Variants in EHMT1 observed in about 807,000 individuals in gnomAD.
EHMT1 encodes the protein histone-lysine N-methyltransferase EHMT1.
EHMT1 carries 15 observed loss-of-function variants against 147.2 expected under a neutral mutation model. That is an observed-to-expected ratio of 0.10 (90% CI 0.07 to 0.16). The LOEUF is 0.16. Ranked by LOEUF, EHMT1 falls within the 10% of genes least tolerant of loss-of-function variation. The probability of loss-of-function intolerance (pLI) is 1.00; values close to 1 mark genes in which losing one functional copy is unlikely to be tolerated. For missense variants in EHMT1, 1,587 were observed against 1,772.4 expected, an observed-to-expected ratio of 0.90 and a Z score of 1.88; for synonymous variants, 795 against 709.6, an observed-to-expected ratio of 1.12 and a Z score of -1.91.
At chr9:137,739,060 T>A (rs927661965) in intron 4 of EHMT1, among the ~76,000 whole-genome samples, 1 of 149,128 alleles carries the variant, frequency 6.7e-6, no homozygotes, top group Non-Finnish European at 1.5e-5. Context: ...TTGTGGTGTG[T>A]GTATTTTACT....
intron 15 of EHMT1, chr9:137,785,501 GCTT>G (rs1365686442): frequency 3.9e-5 from 6 of 152,648 alleles, no homozygotes; most frequent in Non-Finnish European, 8.8e-5. Flanking sequence ...GGCTGTGGAG[GCTT>G]CTTGAAGACA....
intron 1 of EHMT1, among the ~76,000 whole-genome samples, chr9:137,685,622 A>G (rs1942360196): frequency 6.6e-6 from 1 of 152,142 alleles, no homozygotes; most frequent in Non-Finnish European, 1.5e-5. Flanking sequence ...TCTGTGTTTA[A>G]CTTCCCGAGG....
intron 25 of EHMT1, among the ~76,000 whole-genome samples, chr9:137,829,069 C>T (rs1230647883): frequency 6.6e-6 from 1 of 152,186 alleles, no homozygotes. Flanking sequence ...CGGGGAGGCC[C>T]CCGCCCTGGT....
chr9:137,809,039 TGGA>T lies in EHMT1; in HGVS notation c.2713-2416_2713-2414del, dbSNP rs1461674066. Among the ~76,000 whole-genome samples, 4 of 152,188 alleles carry T rather than the reference TGGA, an allele frequency of 2.6e-5. No individual in the cohort carries two copies. The East Asian group carries it at 5.8e-4, about 22-fold the overall frequency. ...TTTGTTCAAGGAGCTCTGAAATGTA[TGGA>T]GGAGGGAAGCCAGAAACAAAGAGCA... On this transcript the variant is annotated intron_variant, in intron 18 of 26. Transcript: ENST00000460843.
intron 3 of EHMT1, among the ~76,000 whole-genome samples, chr9:137,721,779 G>GTATA (rs1373404916): frequency 6.6e-6 from 1 of 152,142 alleles, no homozygotes; most frequent in African/African-American, 2.4e-5. Flanking sequence ...TGAGAGTTCT[G>GTATA]TATATGAGTG....
At chr9:137,719,232 C>T (rs1321364360) in intron 3 of EHMT1, among the ~76,000 whole-genome samples, 1 of 152,118 alleles carries the variant, frequency 6.6e-6, no homozygotes, top group South Asian at 2.1e-4. Context: ...GCTTTTTCCC[C>T]CACCAGGGTG....
intron 1 of EHMT1, among the ~76,000 whole-genome samples, chr9:137,698,030 C>T (rs1348635833): frequency 6.7e-6 from 1 of 148,848 alleles, no homozygotes; most frequent in Non-Finnish European, 1.5e-5. Flanking sequence ...AGGCCTCAAT[C>T]CCCACTGTCG....
At position 137,731,623 on chromosome 9, in the gene EHMT1, C is replaced by T. The variant is rs1188167975; in HGVS notation, c.823+3094C>T. 1.3e-5 allele frequency among the ~76,000 whole-genome samples: 2 copies of T among 152,104 alleles called. No homozygotes were observed. Among genetic ancestry groups the T allele is most frequent in the Non-Finnish European group, 2.9e-5 (2 of 68,018 alleles). ...GTTGTCACAGGATCCCTTGAGTGTC[C>T]CTTTGCTGGTCATAAACCTCTGCAG... On this transcript the variant is annotated intron_variant, in intron 4 of 26. Transcript: ENST00000460843. The surrounding 1 kb of genome is among the most constrained non-coding windows in gnomAD (Gnocchi z 4.3).
At chr9:137,659,316 C>A (rs954012293) in intron 1 of EHMT1, among the ~76,000 whole-genome samples, 1 of 151,552 alleles carries the variant, frequency 6.6e-6, no homozygotes, top group Admixed American at 6.6e-5. Flanking sequence ...TTTTGCAGTT[C>A]TTTGTATATT....
intron 3 of EHMT1, among the ~76,000 whole-genome samples, chr9:137,724,281 C>G (rs183378877): frequency 2.0e-5 from 3 of 152,188 alleles, no homozygotes; most frequent in Non-Finnish European, 4.4e-5. Flanking sequence ...GCCCCACCCC[C>G]GCCCTGCCAG....
rs777106945 is a variant in EHMT1 at position 137,813,431 on chromosome 9, C to T, written c.3081C>T (p.Asn1027=). The change falls in exon 21 of 27, where the codon AAC becomes AAT. Residue 1027 remains asparagine, a synonymous_variant. Transcript: ENST00000460843. The surrounding 1 kb of genome is among the most constrained non-coding windows in gnomAD (Gnocchi z 4.9). ...GYERIPIPCV[N]AVDSEPCPSN... ...AGCGCATCCCCATCCCCTGTGTCAACGCCGTGGACAGCGAGCCATGCCCCA... is the reference window on the plus strand; with the variant it reads ...AGCGCATCCCCATCCCCTGTGTCAATGCCGTGGACAGCGAGCCATGCCCCA... 6.6e-5 allele frequency: 106 copies of T among 1,613,516 alleles called. No individual in the cohort carries two copies. Among genetic ancestry groups the T allele is most frequent in the Non-Finnish European group, 8.2e-5 (97 of 1,179,896 alleles).
chr9:137,729,599 A>AT (rs1276797839), intron 4 of EHMT1, among the ~76,000 whole-genome samples: 19 of 151,166 alleles, frequency 1.3e-4, no homozygotes, highest in African/African-American at 3.4e-4. Flanking sequence ...AAAAAAAAAA[A>AT]TTTTTTTTAA....
intron 4 of EHMT1, among the ~76,000 whole-genome samples, chr9:137,739,164 G>C (rs1008759461): frequency 6.6e-6 from 1 of 151,410 alleles, no homozygotes; most frequent in African/African-American, 2.4e-5. Flanking sequence ...AAGGTCAGGA[G>C]ATCGAGACCA....
intron 9 of EHMT1, among the ~76,000 whole-genome samples, chr9:137,760,964 A>G (rs868508709): frequency 2.6e-5 from 4 of 152,188 alleles, no homozygotes; most frequent in Admixed American, 6.5e-5. Context: ...CTGAGATCGC[A>G]CCACTGCACT....
chr9:137,709,471 T>G (rs557324584), intron 1 of EHMT1, among the ~76,000 whole-genome samples: 51 of 152,184 alleles, frequency 3.4e-4, no homozygotes, highest in Admixed American at 2.7e-3. Flanking sequence ...GTGATGCAGT[T>G]AGGTCCGGTG....
chr9:137,752,108 A>G (rs1949015446), intron 6 of EHMT1, among the ~76,000 whole-genome samples: 1 of 152,182 alleles, frequency 6.6e-6, no homozygotes, highest in Non-Finnish European at 1.5e-5. Flanking sequence ...GCAGAGTGGA[A>G]GCTCAGAGTG....
chr9:137,777,830 C>T, intron 12 of EHMT1, 52 bp from the exon 13 acceptor site: 1 of 1,607,096 alleles, frequency 6.2e-7, no homozygotes, highest in African/African-American at 1.3e-5. Flanking sequence ...AGAGTCGGAA[C>T]AGGCCATGTT....
chr9:137,670,939 C>T (rs1321628801), intron 1 of EHMT1, among the ~76,000 whole-genome samples: 1 of 152,158 alleles, frequency 6.6e-6, no homozygotes, highest in African/African-American at 2.4e-5. Flanking sequence ...GTGGCCACAC[C>T]CTCTGGCCTG....
chr9:137,627,793 T>C lies in EHMT1; in HGVS notation c.21+8744T>C, dbSNP rs553137271. Among the ~76,000 whole-genome samples, 21 of 149,744 alleles carry C rather than the reference T, an allele frequency of 1.4e-4. No homozygotes were observed. The East Asian group carries it at 3.8e-3, about 27-fold the overall frequency. ...TCGGCTCACTGCAACCTCTGCCTCC[T>C]GGGTTCAAGCAATTCTCCTGCCTCA... On this transcript the variant is annotated intron_variant, in intron 1 of 26. Transcript: ENST00000460843.
Sources: gnomAD v4.1 joint callset for allele counts (sites outside exome capture counted in the v4.1 genomes callset) on GRCh38, gnomAD v4.1.1 for gene constraint, Gnocchi (gnomAD v3.1) non-coding constraint, MANE v1.5 for transcripts, NCBI Gene and HGNC (gene_info 2026-07-23, HGNC 2026-07-21) for gene names.